LDLRAD4: variants seen among roughly 807,000 people sequenced by gnomAD.
LDLRAD4 encodes low-density lipoprotein receptor class A domain-containing protein 4.
A neutral mutation model predicts 17.0 loss-of-function variants in LDLRAD4; 5 were observed. The ratio of observed to expected loss-of-function variants is 0.29; its 90% CI spans 0.15 to 0.62. The LOEUF (loss-of-function observed/expected upper bound fraction) is 0.62, where lower values mean the gene tolerates loss of function less well. Among genes scored for constraint, LDLRAD4 ranks in the 20% least tolerant of loss-of-function variants. LDLRAD4 has a pLI of 0.84. For missense variants in LDLRAD4, 340 were observed against 424.7 expected, an observed-to-expected ratio of 0.80 and a Z score of 1.75; for synonymous variants, 168 against 171.8, an observed-to-expected ratio of 0.98 and a Z score of 0.17.
chr18:13,458,030 C>A (rs2092235725), intron 3 of LDLRAD4, among the ~76,000 whole-genome samples: 1 of 152,190 alleles, frequency 6.6e-6, no homozygotes, highest in Non-Finnish European at 1.5e-5. Flanking sequence ...CTCATGACTT[C>A]TTTGCTTTTC....
At chr18:13,570,766 TTC>T (rs1039248833) in intron 3 of LDLRAD4, among the ~76,000 whole-genome samples, 5 of 152,150 alleles carry the variant, frequency 3.3e-5, no homozygotes, top group Non-Finnish European at 7.4e-5. Context: ...TTCATTTCTT[TTC>T]TCTTTTTCGT....
At chr18:13,328,500 C>T (rs2143646781) in intron 1 of LDLRAD4, among the ~76,000 whole-genome samples, 1 of 152,316 alleles carries the variant, frequency 6.6e-6, no homozygotes, top group African/African-American at 2.4e-5. Context: ...TCAGAAGAGC[C>T]ACCTGCAGGC....
At chr18:13,279,061 G>T (rs1456879435) in intron 1 of LDLRAD4, among the ~76,000 whole-genome samples, 2 of 152,170 alleles carry the variant, frequency 1.3e-5, no homozygotes, top group Non-Finnish European at 2.9e-5. Context: ...AGCAAACCAC[G>T]CCTGGGTTCT....
chr18:13,270,113 A>C (rs536817506), intron 1 of LDLRAD4, among the ~76,000 whole-genome samples: 1 of 152,296 alleles, frequency 6.6e-6, no homozygotes, highest in Admixed American at 6.5e-5. Flanking sequence ...CTGACATCTT[A>C]GCACTTTGAG....
At chr18:13,641,753 C>G (rs1418457220) in intron 4 of LDLRAD4, 10 of 985,238 alleles carry the variant, frequency 1.0e-5, no homozygotes, top group Non-Finnish European at 1.1e-5. Flanking sequence ...CTGGGTCAGC[C>G]GAGGGCCGGG....
intron 3 of LDLRAD4, among the ~76,000 whole-genome samples, chr18:13,482,512 TC>T (rs2093117787): frequency 1.3e-5 from 2 of 151,898 alleles, no homozygotes; most frequent in South Asian, 2.1e-4. Flanking sequence ...GTATTTCAGT[TC>T]CCCCCATCAC....
At chr18:13,271,037 A>G (rs2044506487) in intron 1 of LDLRAD4, among the ~76,000 whole-genome samples, 1 of 152,226 alleles carries the variant, frequency 6.6e-6, no homozygotes, top group South Asian at 2.1e-4. Flanking sequence ...AAGATCAAAC[A>G]TAGTTTAATG....
chr18:13,573,706 G>C (rs1181460088), intron 3 of LDLRAD4, among the ~76,000 whole-genome samples: 1 of 152,240 alleles, frequency 6.6e-6, no homozygotes, highest in African/African-American at 2.4e-5. Flanking sequence ...TTCATTTGCT[G>C]TCAGATTTGG....
At chr18:13,287,453 C>T (rs180705113) in intron 1 of LDLRAD4, among the ~76,000 whole-genome samples, 80 of 152,294 alleles carry the variant, frequency 5.3e-4, no homozygotes, top group African/African-American at 1.9e-3. Context: ...ATGAGTTTGC[C>T]TTCTGTATCT....
intron 2 of LDLRAD4, chr18:13,420,349 C>G (rs2089324660): frequency 6.6e-6 from 1 of 152,138 alleles, no homozygotes; most frequent in Admixed American, 6.5e-5. Flanking sequence ...TGAAACATCA[C>G]TCTTAAGATA....
intron 3 of LDLRAD4, among the ~76,000 whole-genome samples, chr18:13,603,330 T>C (rs747448245): frequency 2.2e-4 from 33 of 152,174 alleles, no homozygotes; most frequent in Non-Finnish European, 4.3e-4. Flanking sequence ...CTCAGAGAAG[T>C]AAAATTCATT....
intron 3 of LDLRAD4, among the ~76,000 whole-genome samples, chr18:13,447,393 C>T (rs949941310): frequency 1.3e-5 from 2 of 151,724 alleles, no homozygotes; most frequent in African/African-American, 2.4e-5. Flanking sequence ...TTCTCCAAGA[C>T]GGTTTTCTGA....
chr18:13,548,270 C>T (rs2148036614), intron 3 of LDLRAD4, among the ~76,000 whole-genome samples: 1 of 131,070 alleles, frequency 7.6e-6, no homozygotes. Flanking sequence ...TAAGTTCTCA[C>T]TCTGGCCAGA....
chr18:13,604,773 T>G (rs906764162), intron 3 of LDLRAD4, among the ~76,000 whole-genome samples: 1 of 152,218 alleles, frequency 6.6e-6, no homozygotes, highest in African/African-American at 2.4e-5. Flanking sequence ...ATGTTTCACC[T>G]GATAATATGC....
intron 3 of LDLRAD4, among the ~76,000 whole-genome samples, chr18:13,470,282 C>T (rs1430737022): frequency 1.3e-5 from 2 of 152,046 alleles, no homozygotes; most frequent in African/African-American, 4.8e-5. Flanking sequence ...ATAAGTGTTT[C>T]CTGCGTATTT....
At chr18:13,242,766 C>T (rs1035057107) in intron 1 of LDLRAD4, among the ~76,000 whole-genome samples, 28 of 152,182 alleles carry the variant, frequency 1.8e-4, no homozygotes, top group African/African-American at 6.5e-4. Context: ...ACATTGTACC[C>T]ATTAGATGTA....
At chr18:13,494,138 A>G (rs1214428215) in intron 3 of LDLRAD4, among the ~76,000 whole-genome samples, 1 of 152,186 alleles carries the variant, frequency 6.6e-6, no homozygotes, top group East Asian at 1.9e-4. Flanking sequence ...CTCTGCTGAG[A>G]GGAGGCATCA....
At chr18:13,640,526 G>A (rs2042453506) in intron 4 of LDLRAD4, among the ~76,000 whole-genome samples, 1 of 152,150 alleles carries the variant, frequency 6.6e-6, no homozygotes, top group South Asian at 2.1e-4. Flanking sequence ...TTGGTTCTCA[G>A]GCTTTGAGAA....
chr18:13,431,412 C>T (rs1048236204), intron 2 of LDLRAD4, among the ~76,000 whole-genome samples: 8 of 152,148 alleles, frequency 5.3e-5, no homozygotes, highest in East Asian at 1.9e-4. Context: ...TAAACATAGA[C>T]GGGAATCACT....
Sources: gnomAD v4.1 joint callset for allele counts (sites outside exome capture counted in the v4.1 genomes callset) on GRCh38, gnomAD v4.1.1 for gene constraint, MANE v1.5 for transcripts, NCBI Gene and HGNC (gene_info 2026-07-23, HGNC 2026-07-21) for gene names.